The following VCAN variants were observed in gnomAD, a reference collection of about 807,000 sequenced individuals.
The protein encoded by VCAN is versican core protein.
In VCAN, 44 loss-of-function variants were observed where a neutral mutation model predicts 245.5. The observed-to-expected ratio is 0.18, with a 90% confidence interval of 0.14 to 0.23. The LOEUF (loss-of-function observed/expected upper bound fraction) is 0.23, where lower values mean the gene tolerates loss of function less well. Among genes scored for constraint, VCAN ranks in the 10% least tolerant of loss-of-function variants. VCAN has a pLI of 1.00. For synonymous variants in VCAN, 1,413 were observed against 1,437.0 expected (o/e 0.98, Z 0.38); for missense variants, 3,793 against 4,057.9 (o/e 0.93, Z 1.77).
At chr5:83,544,384 C>CTTTA (rs1354507005) in intron 8 of VCAN, among the ~76,000 whole-genome samples, 1 of 152,218 alleles carries the variant, frequency 6.6e-6, no homozygotes, top group Non-Finnish European at 1.5e-5. Flanking sequence ...ATTTACTTAA[C>CTTTA]ACTCAGAAAG....
At chr5:83,479,903 TTAGG>T (rs918922583) in intron 1 of VCAN, among the ~76,000 whole-genome samples, 44 of 152,236 alleles carry the variant, frequency 2.9e-4, no homozygotes, top group African/African-American at 9.9e-4. Context: ...GTTTGCAAAC[TTAGG>T]TGACTACAGG....
chr5:83,498,472 C>T (rs768840562), intron 5 of VCAN, among the ~76,000 whole-genome samples: 8 of 152,282 alleles, frequency 5.3e-5, no homozygotes, highest in Non-Finnish European at 1.0e-4. Flanking sequence ...CCTTGATTTA[C>T]AATTGCTTTC....
chr5:83,524,174 A>G (rs167462), intron 7 of VCAN, among the ~76,000 whole-genome samples: 7,374 of 151,890 alleles, frequency 0.049, 481 homozygotes, highest in East Asian at 0.3. Context: ...GCAGTCATCA[A>G]AAAAAAAGAA....
rs1462221459 is a variant in VCAN at position 83,471,829 on chromosome 5, G to A, written c.-201G>A. On this transcript the variant is annotated 5_prime_UTR_variant, in exon 1 of 15. Coordinates refer to ENST00000265077, the MANE Select transcript of VCAN (RefSeq NM_004385.5). ...GACGCAACAGCCGAGAACATTAGGTGTTGTGGACAGGAGCTGGGACCAAGA... is the reference window on the plus strand; with the variant it reads ...GACGCAACAGCCGAGAACATTAGGTATTGTGGACAGGAGCTGGGACCAAGA... The A allele has an allele frequency of 5.0e-6, 2 of 398,338 alleles. No individual in the cohort carries two copies. Among genetic ancestry groups the A allele is most frequent in the Non-Finnish European group, 8.8e-6 (2 of 226,048 alleles). The allele number at this position is 398,338 out of a possible 1,614,324, so 24.7% of individuals were successfully genotyped here. A position where few individuals can be genotyped will look rare whatever the true frequency, so the allele number is the denominator to read the frequency against.
intron 10 of VCAN, 44 bp from the exon 11 acceptor site, chr5:83,553,320 A>T (rs1294114011): frequency 1.1e-5 from 17 of 1,612,640 alleles, no homozygotes; most frequent in Non-Finnish European, 1.3e-5. Flanking sequence ...CCAAGTTTGA[A>T]TGACGTATGT....
At chr5:83,567,947 C>T (rs1748147502) in intron 12 of VCAN, among the ~76,000 whole-genome samples, 1 of 152,162 alleles carries the variant, frequency 6.6e-6, no homozygotes. Context: ...TAAAGAAATC[C>T]AAATGGGAGG....
In VCAN at chr5:83,575,875, GA is replaced by G. The variant is rs796454190; in HGVS notation, c.9880+3322del. On this transcript the variant is annotated intron_variant, in intron 13 of 14. Coordinates refer to ENST00000265077, the MANE Select transcript of VCAN (RefSeq NM_004385.5). ...TTCTACCTCATTAAAGAAGAAGAAG[GA>G]AAAAAACCCTATTTTTGCATTTTAT... Among the ~76,000 whole-genome samples, 4 of 151,796 alleles carry G rather than the reference GA, an allele frequency of 2.6e-5. No individual in the cohort carries two copies. In the South Asian group the frequency reaches 8.3e-4, roughly 32 times the overall value.
intron 12 of VCAN, among the ~76,000 whole-genome samples, chr5:83,564,006 G>A (rs543617696): frequency 2.6e-4 from 39 of 152,054 alleles, no homozygotes; most frequent in African/African-American, 7.2e-4. Flanking sequence ...AGAAACTACC[G>A]TAGGTGAACA....
Position 83,541,727 on chromosome 5 carries a change from G to A in VCAN, c.8724G>A (p.Glu2908=), listed in dbSNP as rs1409100767. ...CTTCAGAAGATGATGGTAAACCTGA[G>A]TTATTAGAAGAAATGGAAGCTTCTC... ...LEPSEDDGKP[E]LLEEMEASPT... The change falls in exon 8 of 15, where the codon GAG becomes GAA. Residue 2908 remains glutamate, a synonymous_variant. Coordinates refer to ENST00000265077, the MANE Select transcript of VCAN (RefSeq NM_004385.5). The A allele has an allele frequency of 3.1e-6, 5 of 1,614,024 alleles. No individual in the cohort carries two copies. Among genetic ancestry groups the A allele is most frequent in the South Asian group, 1.1e-5 (1 of 91,074 alleles).
intron 6 of VCAN, among the ~76,000 whole-genome samples, chr5:83,514,172 A>G (rs1745763391): frequency 6.6e-6 from 1 of 152,152 alleles, no homozygotes; most frequent in African/African-American, 2.4e-5. Flanking sequence ...GTTTATATTC[A>G]TTTTTATCTC....
intron 5 of VCAN, among the ~76,000 whole-genome samples, chr5:83,510,289 A>G (rs1314267925): frequency 6.6e-6 from 1 of 152,210 alleles, no homozygotes; most frequent in Non-Finnish European, 1.5e-5. Context: ...AGAAAAGCCG[A>G]TATGTGTGCT....
Position 83,572,450 on chromosome 5 carries a change from G to A in VCAN, c.9770G>A (p.Ser3257Asn), listed in dbSNP as rs1277471964. Residue 3257 changes from serine (S) to asparagine (N), a missense_variant, in exon 13 of 15, where the codon AGC becomes AAC. Coordinates refer to ENST00000265077, the MANE Select transcript of VCAN (RefSeq NM_004385.5). ...AATTGGAGACCCAACCAGCCAGACA[G>A]CTTCTTTTCTGCTGGAGAAGACTGT... is the stretch of plus-strand genomic sequence containing the variant. ...YENWRPNQPD[S>N]FFSAGEDCVV... is the part of the protein sequence containing the mutation. 10 of 1,613,946 alleles carry A rather than the reference G, an allele frequency of 6.2e-6. No homozygotes were observed. The highest frequency in any genetic ancestry group is 8.5e-6 in the Non-Finnish European group (10 of 1,179,880).
intron 1 of VCAN, among the ~76,000 whole-genome samples, chr5:83,472,836 C>G (rs532997280): frequency 4.4e-4 from 67 of 152,286 alleles, no homozygotes; most frequent in Non-Finnish European, 9.0e-4. Flanking sequence ...GCGGGAAAAG[C>G]CTGTTCTGAA....
intron 1 of VCAN, among the ~76,000 whole-genome samples, chr5:83,481,173 A>G (rs1460643360): frequency 6.6e-6 from 1 of 151,816 alleles, no homozygotes; most frequent in Non-Finnish European, 1.5e-5. Context: ...TAAAAAATAG[A>G]GAACAAATTT....
At chr5:83,516,530 G>A (rs1197391935) in intron 6 of VCAN, among the ~76,000 whole-genome samples, 2 of 152,192 alleles carry the variant, frequency 1.3e-5, no homozygotes, top group African/African-American at 2.4e-5. Context: ...AAGCAGAGAA[G>A]ATGGCCCATA....
In VCAN at chr5:83,523,242, T is replaced by C. The variant is rs1233899251; in HGVS notation, c.4003+933T>C. Among the ~76,000 whole-genome samples, 3 of 152,184 alleles carry C rather than the reference T, an allele frequency of 2.0e-5. No homozygotes were observed. In the East Asian group the frequency reaches 5.8e-4, roughly 29 times the overall value. The stretch of plus-strand genomic sequence containing the variant: ...TTTGATAAGCTGAGTTGAGAATATA[T>C]AGCAAATGCAGTTCAATAAATCAAT... On this transcript the variant is annotated intron_variant, in intron 7 of 14. Coordinates refer to ENST00000265077, the MANE Select transcript of VCAN (RefSeq NM_004385.5).
intron 4 of VCAN, 41 bp from the exon 5 acceptor site, chr5:83,493,763 G>T (rs1489719572): frequency 6.2e-7 from 1 of 1,614,144 alleles, no homozygotes; most frequent in Admixed American, 1.7e-5. Flanking sequence ...TAACTTGAGA[G>T]TGAGAAGAAA....
chr5:83,539,107 G>A lies in VCAN; in HGVS notation c.6104G>A (p.Gly2035Asp), dbSNP rs781519957. The A allele has an allele frequency of 4.3e-6, 7 of 1,613,856 alleles. No individual in the cohort carries two copies. The East Asian group carries it at 1.3e-4, about 31-fold the overall frequency. ...CCCAGTGCTGTGCAAAAGTTTTCTG[G>A]TACAGCTTCCTCCATTATCGACGAA... ...VLPSAVQKFS[G>D]TASSIIDEGL... is the part of the protein sequence containing the mutation. Residue 2035 changes from glycine (G) to aspartate (D), a missense_variant, in exon 8 of 15, where the codon GGT (glycine) becomes GAT (aspartate). Coordinates refer to ENST00000265077, the MANE Select transcript of VCAN (RefSeq NM_004385.5).
In VCAN at chr5:83,538,214, A is replaced by G; in HGVS notation, c.5211A>G (p.Thr1737=). The G allele has an allele frequency of 6.2e-7, 1 of 1,613,896 alleles. No homozygotes were observed. The highest frequency in any genetic ancestry group is 1.7e-5 in the Admixed American group (1 of 59,990). ...EEEGTTGTAS[T]FEVYSSTQRS... is the part of the protein sequence containing the mutation. ...AGGGAACTACAGGTACGGCTTCTAC[A>G]TTTGAGGTATATTCATCTACACAGA... Residue 1737 remains threonine, a synonymous_variant, in exon 8 of 15, where the codon ACA becomes ACG. Transcript: ENST00000265077.
Sources: gnomAD v4.1 joint callset for allele counts (sites outside exome capture counted in the v4.1 genomes callset) on GRCh38, gnomAD v4.1.1 for gene constraint, MANE v1.5 for transcripts, NCBI Gene and HGNC (gene_info 2026-07-23, HGNC 2026-07-21) for gene names.